Variants in NRXN3 observed in about 807,000 individuals in gnomAD.
NRXN3 encodes the protein neurexin III.
NRXN3 carries 32 observed loss-of-function variants against 137.6 expected under a neutral mutation model. The ratio of observed to expected loss-of-function variants is 0.23; its 90% CI spans 0.18 to 0.31. The LOEUF (loss-of-function observed/expected upper bound fraction) is 0.31, where lower values mean the gene tolerates loss of function less well. NRXN3 is among the 10% of genes least tolerant of loss of function. The pLI, the probability that NRXN3 is intolerant of heterozygous loss-of-function variation, is 1.00. For synonymous variants in NRXN3, 798 were observed against 784.5 expected, an observed-to-expected ratio of 1.02 and a Z score of -0.29; for missense variants, 1,574 against 2,062.5, an observed-to-expected ratio of 0.76 and a Z score of 4.59.
chr14:79,421,186 G>T (rs1350253261), intron 15 of NRXN3, among the ~76,000 whole-genome samples: 1 of 152,134 alleles, frequency 6.6e-6, no homozygotes. Flanking sequence ...TGTAAAAAGG[G>T]TATACTTCAA....
intron 10 of NRXN3, among the ~76,000 whole-genome samples, chr14:78,871,313 A>G (rs886291584): frequency 1.1e-4 from 16 of 151,890 alleles, no homozygotes; most frequent in Non-Finnish European, 2.2e-4. Context: ...ATGACAATCT[A>G]CAAGTTAATA....
intron 19 of NRXN3, among the ~76,000 whole-genome samples, chr14:79,776,260 T>A (rs1189645866): frequency 6.6e-6 from 1 of 152,212 alleles, no homozygotes. Context: ...TCCTAGACTA[T>A]GAAATCCTTG....
At chr14:78,920,905 T>A (rs1408997202) in intron 10 of NRXN3, among the ~76,000 whole-genome samples, 1 of 152,218 alleles carries the variant, frequency 6.6e-6, no homozygotes, top group Admixed American at 6.5e-5. Flanking sequence ...GATGATATGT[T>A]CACCAATCTG....
intron 10 of NRXN3, among the ~76,000 whole-genome samples, 182 bp from the exon 11 acceptor site, chr14:78,957,059 CT>C (rs1055117567): frequency 1.3e-5 from 2 of 152,102 alleles, no homozygotes; most frequent in Admixed American, 6.5e-5. Flanking sequence ...TGAATTGAGA[CT>C]TTTGCATTTG....
At chr14:78,193,303 G>A (rs770813777) in intron 1 of NRXN3, among the ~76,000 whole-genome samples, 1 of 152,268 alleles carries the variant, frequency 6.6e-6, no homozygotes, top group South Asian at 2.1e-4. Context: ...ATTGCATAAA[G>A]TCACACAGCA....
intron 10 of NRXN3, among the ~76,000 whole-genome samples, chr14:78,933,957 C>A: frequency 6.6e-6 from 1 of 152,026 alleles, no homozygotes; most frequent in East Asian, 1.9e-4. Context: ...TGGTACCCAC[C>A]CATCTTCAGC....
At chr14:78,895,582 T>C (rs982289766) in intron 10 of NRXN3, among the ~76,000 whole-genome samples, 1 of 151,948 alleles carries the variant, frequency 6.6e-6, no homozygotes, top group African/African-American at 2.4e-5. Context: ...AGTAGCACTT[T>C]TAATTTCCTT....
intron 15 of NRXN3, among the ~76,000 whole-genome samples, chr14:79,354,409 A>AT: frequency 6.6e-6 from 1 of 152,286 alleles, no homozygotes; most frequent in African/African-American, 2.4e-5. Flanking sequence ...AAAAATAAAC[A>AT]TTTTTTAAAA....
At chr14:79,429,930 T>C (rs2095718062) in intron 15 of NRXN3, among the ~76,000 whole-genome samples, 1 of 152,096 alleles carries the variant, frequency 6.6e-6, no homozygotes, top group African/African-American at 2.4e-5. Context: ...CTACAATGCA[T>C]TCAGGTTGCC....
intron 15 of NRXN3, among the ~76,000 whole-genome samples, chr14:79,332,253 T>C (rs991310071): frequency 6.6e-6 from 1 of 152,206 alleles, no homozygotes; most frequent in Non-Finnish European, 1.5e-5. Flanking sequence ...TGCTTTTGCC[T>C]CTTCTGTAAT....
At chr14:79,219,178 G>A (rs1317066400) in intron 15 of NRXN3, among the ~76,000 whole-genome samples, 1 of 152,180 alleles carries the variant, frequency 6.6e-6, no homozygotes, top group African/African-American at 2.4e-5. Context: ...CTGGAATGCA[G>A]TTGGCATGAT....
At chr14:79,530,314 T>C (rs1392647688) in intron 16 of NRXN3, among the ~76,000 whole-genome samples, 2 of 152,042 alleles carry the variant, frequency 1.3e-5, no homozygotes, top group East Asian at 1.9e-4. Flanking sequence ...CAAAGCAAAA[T>C]GACACTCTAT....
chr14:78,871,645 A>G (rs894862204), intron 10 of NRXN3, among the ~76,000 whole-genome samples: 1 of 152,132 alleles, frequency 6.6e-6, no homozygotes, highest in Non-Finnish European at 1.5e-5. Flanking sequence ...ATCTCAGTCT[A>G]TAAGACTCAT....
chr14:78,453,060 A>G (rs1167023634), intron 4 of NRXN3, among the ~76,000 whole-genome samples: 1 of 152,238 alleles, frequency 6.6e-6, no homozygotes. Context: ...ACCAAGTCCA[A>G]TAATGCCTCA....
chr14:78,362,694 A>G (rs8004415), intron 4 of NRXN3, among the ~76,000 whole-genome samples: 150,699 of 152,300 alleles, frequency 0.99, 74,573 homozygotes, highest in East Asian at 1. Flanking sequence ...TTTTGTTTTA[A>G]GGATATGGTT....
chr14:79,662,924 T>C (rs1446138298), intron 16 of NRXN3, among the ~76,000 whole-genome samples: 1 of 152,110 alleles, frequency 6.6e-6, no homozygotes, highest in Non-Finnish European at 1.5e-5. Context: ...AGATTACAAC[T>C]GAACAGGAGA....
At chr14:79,721,919 C>T (rs1410772507) in intron 19 of NRXN3, among the ~76,000 whole-genome samples, 1 of 151,924 alleles carries the variant, frequency 6.6e-6, no homozygotes, top group African/African-American at 2.4e-5. Flanking sequence ...ACTTTTAATC[C>T]CTAGGATTTA....
At chr14:78,264,602 G>C (rs1321649156) in intron 2 of NRXN3, among the ~76,000 whole-genome samples, 1 of 152,064 alleles carries the variant, frequency 6.6e-6, no homozygotes, top group East Asian at 1.9e-4. Flanking sequence ...GGGGTGAGGG[G>C]GTGGGGAGCA....
chr14:78,419,961 G>T (rs201097546), intron 4 of NRXN3, among the ~76,000 whole-genome samples: 1 of 49,150 alleles, frequency 2.0e-5, no homozygotes. Flanking sequence ...GCGCGCGCAC[G>T]CACACACACA....
Sources: allele counts gnomAD v4.1 joint callset (sites outside exome capture counted in the v4.1 genomes callset), GRCh38; gene constraint gnomAD v4.1.1; transcripts MANE v1.5; gene names NCBI Gene and HGNC (gene_info 2026-07-23, HGNC 2026-07-21).